The following PXDN variants were observed in gnomAD, a reference collection of about 807,000 sequenced individuals.
PXDN encodes the protein peroxidasin.
PXDN carries 77 observed loss-of-function variants against 140.3 expected under a neutral mutation model. The observed-to-expected ratio is 0.55, with a 90% CI of 0.46 to 0.66. The LOEUF is 0.66. PXDN is among the 30% of genes least tolerant of loss of function. The pLI, the probability that PXDN is intolerant of heterozygous loss-of-function variation, is 0.00. For synonymous variants in PXDN, 911 were observed against 857.4 expected (o/e 1.06, Z -1.09); for missense variants, 1,838 against 2,039.5 (o/e 0.90, Z 1.90).
At chr2:1,679,938 T>TG (rs1360514857) in intron 7 of PXDN, among the ~76,000 whole-genome samples, 1 of 144,210 alleles carries the variant, frequency 6.9e-6, no homozygotes, top group African/African-American at 2.5e-5. Context: ...TGTGTGTGTA[T>TG]GTGCGTGTGT....
At chr2:1,729,846 A>G (rs777981781) in intron 1 of PXDN, among the ~76,000 whole-genome samples, 6 of 152,244 alleles carry the variant, frequency 3.9e-5, no homozygotes, top group Non-Finnish European at 8.8e-5. Context: ...AATGACCCAT[A>G]ATAAAAATTC....
At chr2:1,723,445 G>C (rs1315130243) in intron 1 of PXDN, among the ~76,000 whole-genome samples, 1 of 151,994 alleles carries the variant, frequency 6.6e-6, no homozygotes, top group Admixed American at 6.5e-5. Flanking sequence ...TGGATGAGTG[G>C]TTATGGATGA....
chr2:1,680,404 G>A, intron 6 of PXDN, 42 bp from the exon 7 acceptor site: 1 of 1,607,904 alleles, frequency 6.2e-7, no homozygotes, highest in African/African-American at 1.3e-5. Flanking sequence ...TGGGGTGGCT[G>A]GGCTTGTCCA....
At chr2:1,708,777 G>C (rs571853248) in intron 1 of PXDN, among the ~76,000 whole-genome samples, 1 of 152,302 alleles carries the variant, frequency 6.6e-6, no homozygotes, top group Admixed American at 6.5e-5. Context: ...TTATGGTATC[G>C]ATTTGGATCA....
At chr2:1,661,996 G>T in intron 13 of PXDN, 76 bp downstream of exon 13, 3 of 1,331,236 alleles carry the variant, frequency 2.3e-6, no homozygotes, top group Non-Finnish European at 3.1e-6. Flanking sequence ...CCTTGCTCCA[G>T]GTAGTGGGTG....
At chr2:1,694,459 C>T (rs1007115425) in intron 1 of PXDN, among the ~76,000 whole-genome samples, 2 of 152,168 alleles carry the variant, frequency 1.3e-5, no homozygotes, top group South Asian at 2.1e-4. Flanking sequence ...CTCCCAGCGC[C>T]GCCCCTGTGC....
At chr2:1,679,602 T>C (rs1023317633) in intron 7 of PXDN, among the ~76,000 whole-genome samples, 2 of 77,610 alleles carry the variant, frequency 2.6e-5, no homozygotes, top group Admixed American at 1.4e-4. Flanking sequence ...TGTATGTGCG[T>C]GTGTGTGTGT....
chr2:1,728,483 G>A (rs1046216841), intron 1 of PXDN, among the ~76,000 whole-genome samples: 5 of 152,220 alleles, frequency 3.3e-5, no homozygotes, highest in Non-Finnish European at 7.3e-5. Flanking sequence ...GCGGACAGGC[G>A]CAGAATGGGG....
intron 1 of PXDN, among the ~76,000 whole-genome samples, chr2:1,699,836 T>G (rs184820857): frequency 1.3e-3 from 195 of 152,310 alleles, no homozygotes; most frequent in African/African-American, 4.6e-3. Flanking sequence ...AATGAAAATT[T>G]CAGGTGAGAG....
chr2:1,722,400 C>T (rs1212588635), intron 1 of PXDN, among the ~76,000 whole-genome samples: 3 of 152,214 alleles, frequency 2.0e-5, no homozygotes, highest in African/African-American at 4.8e-5. Context: ...ACAGGAGAAT[C>T]TCAACGCAGA....
At chr2:1,643,620 A>T in intron 18 of PXDN, 44 bp from the exon 19 acceptor site, 1 of 1,599,552 alleles carries the variant, frequency 6.3e-7, no homozygotes, top group Non-Finnish European at 8.6e-7. Flanking sequence ...AGGGCAGGAG[A>T]CTCACAGGTC....
At chr2:1,699,053 T>C (rs1684360276) in intron 1 of PXDN, among the ~76,000 whole-genome samples, 1 of 152,152 alleles carries the variant, frequency 6.6e-6, no homozygotes, top group African/African-American at 2.4e-5. Flanking sequence ...AATTGTAGTG[T>C]TTGGAACGAA....
chr2:1,712,899 T>C (rs1447904818), intron 1 of PXDN, among the ~76,000 whole-genome samples: 2 of 152,112 alleles, frequency 1.3e-5, no homozygotes, highest in Admixed American at 1.3e-4. Flanking sequence ...TGATTTTTTG[T>C]ATTTTTAGTA....
At chr2:1,679,061 A>G (rs1683799332) in intron 7 of PXDN, among the ~76,000 whole-genome samples, 1 of 151,800 alleles carries the variant, frequency 6.6e-6, no homozygotes, top group Non-Finnish European at 1.5e-5. Context: ...TCACCTTACC[A>G]AAATAAACAG....
chr2:1,728,770 T>C (rs749224687), intron 1 of PXDN, among the ~76,000 whole-genome samples: 1 of 152,188 alleles, frequency 6.6e-6, no homozygotes, highest in Non-Finnish European at 1.5e-5. Context: ...CCACAGCTCG[T>C]TAACAATGTC....
chr2:1,693,792 G>A (rs191489415), intron 1 of PXDN, among the ~76,000 whole-genome samples: 1 of 152,350 alleles, frequency 6.6e-6, no homozygotes, highest in Admixed American at 6.5e-5. Flanking sequence ...AGAGACCAGA[G>A]AGTACGCCAG....
rs750235834 is a variant in PXDN, at chr2:1,673,636, C to T, written c.1018+7G>A. On this transcript the variant is annotated splice_region_variant and intron_variant, in intron 9 of 22. Coordinates refer to ENST00000252804, the MANE Select transcript of PXDN (RefSeq NM_012293.3). ...TGGAACCCCGGTGTGAAATGCCCGC[C>T]ACATACCTGGAGACCCGAAGTACCT... is the stretch of plus-strand genomic sequence containing the variant. The T allele has an allele frequency of 3.1e-6, 5 of 1,603,558 alleles. No individual in the cohort carries two copies. Among genetic ancestry groups the T allele is most frequent in the Non-Finnish European group, 4.3e-6 (5 of 1,172,044 alleles).
In PXDN at chr2:1,687,612, C is replaced by A; in HGVS notation, c.416+20G>T. The A allele has an allele frequency of 6.8e-7, 1 of 1,470,682 alleles. No homozygotes were observed. The highest frequency in any genetic ancestry group is 9.4e-7 in the Non-Finnish European group (1 of 1,063,070). 91.1% of individuals were successfully genotyped at this position (1,470,682 alleles called of 1,614,324 possible). The stretch of plus-strand genomic sequence containing the variant: ...CAGACGGCATCCAAGAACTAAAGCA[C>A]GAAGAGAAGGGGCACTTACAGTTGC... On this transcript the variant is annotated intron_variant, in intron 4 of 22. Transcript: ENST00000252804. The surrounding 1 kb of genome is among the most constrained non-coding windows in gnomAD (Gnocchi z 4.0).
At chr2:1,702,370 G>A (rs1451290515) in intron 1 of PXDN, among the ~76,000 whole-genome samples, 1 of 152,198 alleles carries the variant, frequency 6.6e-6, no homozygotes, top group South Asian at 2.1e-4. Flanking sequence ...GCCTCAGCCT[G>A]GGGCAGGCCC....
Sources: allele counts gnomAD v4.1 joint callset (sites outside exome capture counted in the v4.1 genomes callset), GRCh38; gene constraint gnomAD v4.1.1; non-coding constraint Gnocchi (gnomAD v3.1); transcripts MANE v1.5; gene names NCBI Gene and HGNC (gene_info 2026-07-23, HGNC 2026-07-21).